The following MICAL3 variants were observed in gnomAD, a reference collection of about 807,000 sequenced individuals.
The protein encoded by MICAL3 is microtubule associated monooxygenase, calponin and LIM domain containing 3.
A neutral mutation model predicts 207.4 loss-of-function variants in MICAL3; 62 were observed. That is an observed-to-expected ratio of 0.30 (90% CI 0.24 to 0.37). The LOEUF (loss-of-function observed/expected upper bound fraction) is 0.37. Ranked by LOEUF, MICAL3 falls within the 10% of genes least tolerant of loss-of-function variation. MICAL3 has a pLI of 1.00. For missense variants in MICAL3, 2,368 were observed against 2,635.6 expected (o/e 0.90, Z 2.22); for synonymous variants, 1,077 against 1,069.3 (o/e 1.01, Z -0.14).
chr22:17,804,801 C>T (rs2061973993), intron 29 of MICAL3, among the ~76,000 whole-genome samples: 1 of 152,214 alleles, frequency 6.6e-6, no homozygotes. Context: ...GAGGGCCTCC[C>T]CTTGAGAGTG....
Position 17,895,604 on chromosome 22 carries a change from C to T in MICAL3, c.1323-194G>A, listed in dbSNP as rs55927504. ...CTGCAGTGATCCCACAGGAACCGACCGGGTAAGAGCCGAGGAGAGAGAGCA... is the reference window on the plus strand; with the variant it reads ...CTGCAGTGATCCCACAGGAACCGACTGGGTAAGAGCCGAGGAGAGAGAGCA... On this transcript the variant is annotated intron_variant, in intron 9 of 31. Coordinates refer to ENST00000441493, the MANE Select transcript of MICAL3 (RefSeq NM_015241.3). 0.021 allele frequency among the ~76,000 whole-genome samples: 3,227 copies of T among 151,948 alleles called. 107 individuals are homozygous for T. The highest frequency in any genetic ancestry group is 0.073 in the African/African-American group (3,023 of 41,390).
intron 16 of MICAL3, among the ~76,000 whole-genome samples, chr22:17,880,316 T>C (rs1484565029): frequency 6.6e-6 from 1 of 152,162 alleles, no homozygotes; most frequent in Non-Finnish European, 1.5e-5. Flanking sequence ...CCTCACAGGG[T>C]TACTGTGAGA....
intron 1 of MICAL3, among the ~76,000 whole-genome samples, chr22:17,908,765 T>C (rs1931928306): frequency 1.3e-5 from 2 of 152,164 alleles, no homozygotes; most frequent in African/African-American, 4.8e-5. Context: ...AGATGTACCC[T>C]TGGGGTTGGG....
At chr22:18,003,999 A>G (rs1923211633) in intron 1 of MICAL3, among the ~76,000 whole-genome samples, 1 of 152,062 alleles carries the variant, frequency 6.6e-6, no homozygotes, top group Admixed American at 6.6e-5. Context: ...CGATCTCCTG[A>G]CCCTGTGATG....
intron 17 of MICAL3, among the ~76,000 whole-genome samples, chr22:17,870,105 T>C (rs1207431397): frequency 6.6e-6 from 1 of 152,162 alleles, no homozygotes; most frequent in Admixed American, 6.5e-5. Flanking sequence ...GAAAATTTTA[T>C]CTGGGTTAAA....
At chr22:17,957,961 C>T (rs1383914953) in intron 1 of MICAL3, among the ~76,000 whole-genome samples, 1 of 152,096 alleles carries the variant, frequency 6.6e-6, no homozygotes, top group Non-Finnish European at 1.5e-5. Context: ...CAGAGCTTTC[C>T]TCGTGGAGTT....
intron 1 of MICAL3, among the ~76,000 whole-genome samples, chr22:18,013,787 T>C (rs1329726262): frequency 1.3e-5 from 2 of 152,158 alleles, no homozygotes; most frequent in East Asian, 3.8e-4. Flanking sequence ...ACAATCTCTC[T>C]ATCTCCCTCC....
Position 17,843,078 on chromosome 22 carries a change from G to A in MICAL3, c.2606-1061C>T, listed in dbSNP as rs549289697. 6.6e-4 allele frequency among the ~76,000 whole-genome samples: 87 copies of A among 131,162 alleles called. 1 individual carries two copies. Among genetic ancestry groups the A allele is most frequent in the Non-Finnish European group, 1.1e-3 (71 of 65,366 alleles). The allele number at this position is 131,162 out of a possible 152,430, so 86.0% of individuals were successfully genotyped here. On this transcript the variant is annotated intron_variant, in intron 19 of 31. Coordinates refer to ENST00000441493, the MANE Select transcript of MICAL3 (RefSeq NM_015241.3). ...GGAGCTTGCAGTGAACCGAGATTGC[G>A]CCACTGCACTCCAGCCTGGGTGACA...
intron 19 of MICAL3, among the ~76,000 whole-genome samples, chr22:17,844,034 A>C (rs1244048749): frequency 6.6e-6 from 1 of 152,144 alleles, no homozygotes; most frequent in East Asian, 1.9e-4. Context: ...TTTTTAGTAG[A>C]GACGGGTTTC....
At chr22:17,837,472 C>T (rs763616297) in intron 20 of MICAL3, among the ~76,000 whole-genome samples, 2 of 152,238 alleles carry the variant, frequency 1.3e-5, no homozygotes, top group African/African-American at 2.4e-5. Context: ...AACTTCAGCA[C>T]GTGGGCACTG....
intron 1 of MICAL3, among the ~76,000 whole-genome samples, chr22:17,997,229 A>G (rs1465719463): frequency 6.6e-6 from 1 of 151,682 alleles, no homozygotes; most frequent in East Asian, 1.9e-4. Context: ...ACGCCCAGCT[A>G]ATTTTTGTAC....
intron 29 of MICAL3, among the ~76,000 whole-genome samples, chr22:17,794,480 C>A (rs1048011751): frequency 2.0e-5 from 3 of 152,248 alleles, no homozygotes; most frequent in African/African-American, 4.8e-5. Context: ...CGGTGACGGG[C>A]CTCCAGGACG....
intron 1 of MICAL3, among the ~76,000 whole-genome samples, chr22:17,986,738 A>G (rs1921056728): frequency 6.6e-6 from 1 of 152,186 alleles, no homozygotes; most frequent in African/African-American, 2.4e-5. Flanking sequence ...TGAACTATGC[A>G]GGCTACTCAT....
At chr22:17,999,636 C>T (rs891119736) in intron 1 of MICAL3, among the ~76,000 whole-genome samples, 4 of 152,198 alleles carry the variant, frequency 2.6e-5, no homozygotes, top group African/African-American at 9.7e-5. Flanking sequence ...ATAACCACCA[C>T]GGAACAGGAT....
At chr22:17,899,602 C>A in intron 6 of MICAL3, 54 bp from the exon 7 acceptor site, 1 of 1,175,290 alleles carries the variant, frequency 8.5e-7, no homozygotes, top group Non-Finnish European at 1.2e-6. Flanking sequence ...GAAGGTGCAT[C>A]AGGGCAGGCT....
rs56151234 is a variant in MICAL3, at chr22:17,873,020, C to T, written c.2242-997G>A. Among the ~76,000 whole-genome samples the T allele has an allele frequency of 3.7e-3, 564 of 152,284 alleles. 1 individual carries two copies. Among genetic ancestry groups the T allele is most frequent in the Non-Finnish European group, 6.1e-3 (415 of 68,028 alleles). ...ACACAGTGCTCACAGGCAGGGAAAC[C>T]GGGTGGAAGAAAAACATCGCGTCAG... is the stretch of plus-strand genomic sequence containing the variant. On this transcript the variant is annotated intron_variant, in intron 16 of 31. Coordinates refer to ENST00000441493, the MANE Select transcript of MICAL3 (RefSeq NM_015241.3).
Position 17,787,787 on chromosome 22 carries a change from C to T in MICAL3, c.*2945G>A, listed in dbSNP as rs1315099688. On this transcript the variant is annotated 3_prime_UTR_variant, in exon 32 of 32. Transcript: ENST00000441493. ...TTATTTTGAAAGGGTTAAGAAGAGTCTATCATTGCTGGTCAAAATCGGCCT... is the reference window on the plus strand; with the variant it reads ...TTATTTTGAAAGGGTTAAGAAGAGTTTATCATTGCTGGTCAAAATCGGCCT... 3 of 152,268 alleles carry T rather than the reference C, an allele frequency of 2.0e-5. No homozygotes were observed. Among genetic ancestry groups the T allele is most frequent in the African/African-American group, 7.2e-5 (3 of 41,474 alleles). The allele number at this position is 152,268 out of a possible 1,614,324, so 9.4% of individuals were successfully genotyped here. A position where few individuals can be genotyped will look rare whatever the true frequency, so the allele number is the denominator to read the frequency against.
Position 17,818,795 on chromosome 22 carries a change from G to A in MICAL3, c.3866C>T (p.Thr1289Ile). ...PIRFQPAPAK[T>I]STPLAPLPVQ... ...AGGGAGAGGGGCCAGTGGGGTGGAT[G>A]TTTTGGCCGGGGCAGGCTGGAAGCG... Residue 1289 changes from threonine to isoleucine, a missense_variant, in exon 26 of 32, where the codon ACA becomes ATA. Thr to Ile is a moderately conservative substitution (Grantham distance 89, BLOSUM62 -1). Coordinates refer to ENST00000441493, the MANE Select transcript of MICAL3 (RefSeq NM_015241.3). The A allele has an allele frequency of 6.4e-7, 1 of 1,572,658 alleles. No individual in the cohort carries two copies. The highest frequency in any genetic ancestry group is 8.7e-7 in the Non-Finnish European group (1 of 1,155,228).
At chr22:17,837,784 C>T (rs1243891630) in intron 20 of MICAL3, among the ~76,000 whole-genome samples, 1 of 152,248 alleles carries the variant, frequency 6.6e-6, no homozygotes, top group Non-Finnish European at 1.5e-5. Flanking sequence ...CTGTTGGACA[C>T]TGACATTCCT....
Sources: allele counts gnomAD v4.1 joint callset (sites outside exome capture counted in the v4.1 genomes callset), GRCh38; gene constraint gnomAD v4.1.1; transcripts MANE v1.5; gene names NCBI Gene and HGNC (gene_info 2026-07-23, HGNC 2026-07-21).